Variants in GLB1 observed in about 807,000 individuals in gnomAD.
The protein encoded by GLB1 is beta-galactosidase.
Under a neutral mutation model 74.0 loss-of-function variants are expected in GLB1, and 56 were observed. The observed-to-expected ratio is 0.76, with a 90% CI of 0.61 to 0.94. The LOEUF (loss-of-function observed/expected upper bound fraction) is 0.94, where lower values mean the gene tolerates loss of function less well. Ranked by LOEUF, GLB1 falls within the 40% of genes least tolerant of loss-of-function variation. The probability of loss-of-function intolerance (pLI) is 0.00; values close to 1 mark genes in which losing one functional copy is unlikely to be tolerated. For missense variants in GLB1, 787 were observed against 845.5 expected (o/e 0.93, Z 0.86); for synonymous variants, 323 against 323.6 (o/e 1.00, Z 0.02).
chr3:33,046,347 C>T (rs1698739399), intron 9 of GLB1, 115 bp from the exon 10 acceptor site: 4 of 1,253,622 alleles, frequency 3.2e-6, no homozygotes, highest in African/African-American at 1.5e-5. Flanking sequence ...CACATTAAAA[C>T]CACTTGTTGG....
intron 1 of GLB1, among the ~76,000 whole-genome samples, chr3:33,084,672 T>C (rs887280670): frequency 1.3e-5 from 2 of 152,110 alleles, no homozygotes; most frequent in African/African-American, 4.8e-5. Flanking sequence ...CAGATTTAAA[T>C]GTGCCCCCTC....
chr3:33,072,809 T>TTTGTATAATGTGC, intron 1 of GLB1, 96 bp from the exon 2 acceptor site: 1 of 1,556,512 alleles, frequency 6.4e-7, no homozygotes, highest in Non-Finnish European at 8.7e-7. Flanking sequence ...GCCTATTGAA[T>TTTGTATAATGTGC]TTGTATAATG....
intron 10 of GLB1, among the ~76,000 whole-genome samples, chr3:33,032,591 T>C (rs1047852410): frequency 1.3e-5 from 2 of 151,804 alleles, no homozygotes; most frequent in Non-Finnish European, 2.9e-5. Context: ...CTAATTTAAA[T>C]TTTTAAATTT....
In GLB1 at chr3:32,996,753, C is replaced by A; in HGVS notation, c.*292G>T. 2.4e-6 allele frequency: 1 copy of A among 417,262 alleles called. No individual in the cohort carries two copies. The highest frequency in any genetic ancestry group is 4.4e-6 in the Non-Finnish European group (1 of 226,874). 25.8% of individuals were successfully genotyped at this position (417,262 alleles called of 1,614,324 possible). A position where few individuals can be genotyped will look rare whatever the true frequency, so the allele number is the denominator to read the frequency against. The stretch of plus-strand genomic sequence containing the variant: ...TCATTTGAGTACAAATTTTATTTAA[C>A]AAAAAGGTAACATGATTCTTCCAAA... On this transcript the variant is annotated 3_prime_UTR_variant, in exon 16 of 16. Transcript: ENST00000307363.
At chr3:33,071,445 A>G (rs1699884181) in intron 2 of GLB1, among the ~76,000 whole-genome samples, 2 of 152,230 alleles carry the variant, frequency 1.3e-5, no homozygotes, top group Admixed American at 1.3e-4. Flanking sequence ...GTTACTTTGC[A>G]ATAGCAAAAG....
intron 10 of GLB1, chr3:33,033,776 C>T (rs1468454686): frequency 3.9e-6 from 1 of 254,416 alleles, no homozygotes; most frequent in African/African-American, 3.2e-5. Flanking sequence ...GCGAGACTGT[C>T]TCAAAAAAAA....
At chr3:32,973,783 A>G in the GLB1 span, among the ~76,000 whole-genome samples, 3 of 152,202 alleles carry the variant, frequency 2.0e-5, no homozygotes. Flanking sequence ...TTGTACATCA[A>G]TGAAAAATAA....
At chr3:33,081,885 T>A (rs1700335887) in intron 1 of GLB1, among the ~76,000 whole-genome samples, 1 of 152,196 alleles carries the variant, frequency 6.6e-6, no homozygotes, top group African/African-American at 2.4e-5. Context: ...AGCAAAAGGC[T>A]GATGTCAACA....
chr3:32,974,847 T>C, the GLB1 span, among the ~76,000 whole-genome samples: 1 of 152,202 alleles, frequency 6.6e-6, no homozygotes, highest in Non-Finnish European at 1.5e-5. Context: ...GTGGGTGATC[T>C]GCTTCACTCA....
At chr3:32,990,975 AAATAAT>A in the GLB1 span, among the ~76,000 whole-genome samples, 9 of 152,072 alleles carry the variant, frequency 5.9e-5, no homozygotes, top group South Asian at 2.1e-4. Context: ...CTCTGTCTAA[AAATAAT>A]AATAATAATA....
At chr3:33,013,726 C>T (rs1697119984) in intron 15 of GLB1, among the ~76,000 whole-genome samples, 1 of 152,094 alleles carries the variant, frequency 6.6e-6, no homozygotes, top group Admixed American at 6.6e-5. Flanking sequence ...CCAGAGGGAT[C>T]CACCTCTTTG....
chr3:33,049,810 A>G (rs377675653), intron 9 of GLB1, among the ~76,000 whole-genome samples: 2 of 152,036 alleles, frequency 1.3e-5, no homozygotes, highest in South Asian at 2.1e-4. Context: ...GCACACTATT[A>G]TCTTATATGC....
At chr3:33,089,605 G>A (rs895091723) in intron 1 of GLB1, among the ~76,000 whole-genome samples, 1 of 152,118 alleles carries the variant, frequency 6.6e-6, no homozygotes, top group African/African-American at 2.4e-5. Context: ...ATCCAGTCAC[G>A]TGCCACAACC....
chr3:33,037,356 A>G (rs577132992), intron 10 of GLB1, among the ~76,000 whole-genome samples: 1 of 152,198 alleles, frequency 6.6e-6, no homozygotes, highest in South Asian at 2.1e-4. Context: ...TAAAAAATTA[A>G]TAATATAACA....
At position 33,096,022 on chromosome 3, in the gene GLB1, T is replaced by C. The variant is rs560434264; in HGVS notation, c.75+989A>G. ...GTTCAATCTTGGTTGTAGATAAATG[T>C]ACCACTTTTCTCTGCCCTAGGCACG... On this transcript the variant is annotated intron_variant, in intron 1 of 15. Transcript: ENST00000307363. 5.9e-5 allele frequency among the ~76,000 whole-genome samples: 9 copies of C among 152,362 alleles called. No individual in the cohort carries two copies. The South Asian group carries it at 1.5e-3, about 25-fold the overall frequency.
intron 6 of GLB1, 115 bp downstream of exon 6, chr3:33,057,974 G>T: frequency 7.2e-7 from 1 of 1,387,648 alleles, no homozygotes; most frequent in Non-Finnish European, 1.0e-6. Flanking sequence ...CTTGAAAAAT[G>T]AAAACATGAA....
intron 10 of GLB1, among the ~76,000 whole-genome samples, chr3:33,026,824 G>A (rs907562620): frequency 3.9e-5 from 6 of 152,060 alleles, no homozygotes; most frequent in Non-Finnish European, 7.4e-5. Context: ...CTGAACACTC[G>A]CTGGGACACC....
intron 10 of GLB1, chr3:33,030,897 A>C: frequency 3.6e-6 from 3 of 838,190 alleles, no homozygotes; most frequent in Non-Finnish European, 4.3e-6. Context: ...TGCCCCTCTC[A>C]GGAATCAGTA....
intron 9 of GLB1, among the ~76,000 whole-genome samples, chr3:33,049,398 C>G (rs1411558564): frequency 2.6e-5 from 4 of 152,092 alleles, no homozygotes; most frequent in Non-Finnish European, 5.9e-5. Context: ...CCACACCTAT[C>G]AACTGGTCAC....
Sources: allele counts gnomAD v4.1 joint callset (sites outside exome capture counted in the v4.1 genomes callset), GRCh38; gene constraint gnomAD v4.1.1; transcripts MANE v1.5; gene names NCBI Gene and HGNC (gene_info 2026-07-23, HGNC 2026-07-21).